MTUS1: variants seen among roughly 807,000 people sequenced by gnomAD.
The protein encoded by MTUS1 is microtubule-associated tumor suppressor 1.
In MTUS1, 109 loss-of-function variants were observed where a neutral mutation model predicts 120.8. The observed-to-expected ratio is 0.90, with a 90% CI of 0.77 to 1.06. The LOEUF is 1.06. MTUS1 is among the 50% of genes least tolerant of loss of function. The probability of loss-of-function intolerance (pLI) is 0.00; values close to 1 mark genes in which losing one functional copy is unlikely to be tolerated. For missense variants in MTUS1, 2,210 were observed against 1,486.3 expected (o/e 1.49, Z -8.01); for synonymous variants, 737 against 550.5 (o/e 1.34, Z -4.74).
intron 1 of MTUS1, among the ~76,000 whole-genome samples, chr8:17,798,767 G>GT (rs139241684): frequency 0.039 from 6,000 of 152,240 alleles, 401 homozygotes; most frequent in African/African-American, 0.14. Flanking sequence ...CAAAACTACT[G>GT]TAAATATATA....
intron 3 of MTUS1, among the ~76,000 whole-genome samples, chr8:17,730,723 C>A (rs903369474): frequency 2.0e-5 from 3 of 152,168 alleles, no homozygotes; most frequent in East Asian, 3.9e-4. Context: ...GTGAAATAAG[C>A]CAGTTATAAA....
At position 17,643,844 on chromosome 8, in the gene MTUS1, C is replaced by CT. The variant is rs1296905465; in HGVS notation, c.*2081dup. 2.0e-5 allele frequency: 3 copies of CT among 152,182 alleles called. No homozygotes were observed. The highest frequency in any genetic ancestry group is 4.4e-5 in the Non-Finnish European group (3 of 68,040). The allele number at this position is 152,182 out of a possible 1,614,324, so 9.4% of individuals were successfully genotyped here. ...ATTTATTTGATCAGAGTAAAATACA[C>CT]TTCCCATCACTACAAACTGAGCACA... On this transcript the variant is annotated 3_prime_UTR_variant, in exon 15 of 15. Transcript: ENST00000693296.
At chr8:17,704,592 T>C (rs1031122774) in intron 6 of MTUS1, among the ~76,000 whole-genome samples, 4 of 152,194 alleles carry the variant, frequency 2.6e-5, no homozygotes, top group African/African-American at 9.6e-5. Flanking sequence ...TATGCACGGA[T>C]TTATTTCTAG....
intron 1 of MTUS1, among the ~76,000 whole-genome samples, chr8:17,794,585 A>T (rs190500139): frequency 6.6e-6 from 1 of 152,042 alleles, no homozygotes; most frequent in African/African-American, 2.4e-5. Flanking sequence ...CCCTATCCTG[A>T]CCCACCAGCA....
Position 17,799,929 on chromosome 8 carries a change from T to C in MTUS1, c.-155+1132A>G, listed in dbSNP as rs182568616. On this transcript the variant is annotated intron_variant, in intron 1 of 14. Transcript: ENST00000693296. ...TTTGTATAGCTTTCCTAATGGAATA[T>C]ATTGCCTATGAAAAAAAAAAAATCT... 9.9e-5 allele frequency among the ~76,000 whole-genome samples: 15 copies of C among 151,422 alleles called. No individual in the cohort carries two copies. The East Asian group carries it at 2.9e-3, about 29-fold the overall frequency.
In MTUS1 at chr8:17,753,861, T is replaced by A. The variant is rs1294803780; in HGVS notation, c.1947A>T (p.Glu649Asp). 2 of 1,614,198 alleles carry A rather than the reference T, an allele frequency of 1.2e-6. No individual in the cohort carries two copies. The highest frequency in any genetic ancestry group is 3.3e-5 in the Admixed American group (2 of 60,024). ...TGGGAACATAGGTCATTTCCAAACA[T>A]TCTGCACTTTCCATTTTAACAGGGA... is the stretch of plus-strand genomic sequence containing the variant. ...GILPVKMESA[E>D]CLEMTYVPNI... Residue 649 changes from glutamate (E) to aspartate (D), a missense_variant, in exon 2 of 15, where the codon GAA (glutamate) becomes GAT (aspartate). Glu to Asp is a conservative substitution (Grantham distance 45). Coordinates refer to ENST00000693296, the MANE Select transcript of MTUS1 (RefSeq NM_001363059.2).
At position 17,713,246 on chromosome 8, in the gene MTUS1, G is replaced by A. The variant is rs1208205218; in HGVS notation, c.2591C>T (p.Ser864Leu). The change falls in exon 6 of 15, where the codon TCG (serine) becomes TTG (leucine). Residue 864 changes from serine (S) to leucine (L), a missense_variant. By Grantham distance (145) the Ser-to-Leu change is moderately radical. Coordinates refer to ENST00000693296, the MANE Select transcript of MTUS1 (RefSeq NM_001363059.2). ...HLMKTPPKGPSRKNLFTALNA... is the reference protein window; with the variant it reads ...HLMKTPPKGPLRKNLFTALNA... ...AAGAGCTGTAAATAAATTTTTTCTC[G>A]AAGGACCTAAGATATAAAAGAAACA... 11 of 1,573,534 alleles carry A rather than the reference G, an allele frequency of 7.0e-6. No individual in the cohort carries two copies. Among genetic ancestry groups the A allele is most frequent in the African/African-American group, 5.4e-5 (4 of 73,864 alleles).
At chr8:17,676,441 G>A (rs899698292) in intron 7 of MTUS1, 6 of 660,612 alleles carry the variant, frequency 9.1e-6, no homozygotes, top group African/African-American at 9.0e-5. Flanking sequence ...CTAGCAGGAG[G>A]CGCGCCATTG....
intron 1 of MTUS1, among the ~76,000 whole-genome samples, chr8:17,784,277 G>C (rs957348985): frequency 6.8e-6 from 1 of 148,092 alleles, no homozygotes; most frequent in African/African-American, 2.5e-5. Context: ...TCTAAACCCT[G>C]CTAATTTTCT....
At chr8:17,728,273 G>A (rs921204800) in intron 3 of MTUS1, among the ~76,000 whole-genome samples, 8 of 152,060 alleles carry the variant, frequency 5.3e-5, no homozygotes, top group Non-Finnish European at 1.0e-4. Context: ...CACCACACCC[G>A]GCTAATTTTT....
intron 8 of MTUS1, among the ~76,000 whole-genome samples, chr8:17,669,646 G>C (rs1287252273): frequency 6.6e-6 from 1 of 152,058 alleles, no homozygotes; most frequent in African/African-American, 2.4e-5. Context: ...AGGAGTTCGA[G>C]ACCAGCCTGG....
intron 6 of MTUS1, among the ~76,000 whole-genome samples, chr8:17,711,310 AG>A (rs1326404140): frequency 6.6e-6 from 1 of 152,184 alleles, no homozygotes; most frequent in Non-Finnish European, 1.5e-5. Flanking sequence ...TGTTTTGTGT[AG>A]CCACCTTTAT....
rs535904467 is a variant in MTUS1, at chr8:17,658,660, T to C, written c.2906-2595A>G. On this transcript the variant is annotated intron_variant, in intron 8 of 14. Coordinates refer to ENST00000693296, the MANE Select transcript of MTUS1 (RefSeq NM_001363059.2). ...TACCTCTCTTTGGAAAGGAATAACA[T>C]ATCAGGAGTTGAAGGAAGAAGATTA... Among the ~76,000 whole-genome samples the C allele has an allele frequency of 2.6e-5, 4 of 152,252 alleles. No homozygotes were observed. In the South Asian group the frequency reaches 8.3e-4, roughly 32 times the overall value.
intron 3 of MTUS1, among the ~76,000 whole-genome samples, chr8:17,742,156 T>C (rs1276585827): frequency 6.6e-6 from 1 of 152,036 alleles, no homozygotes; most frequent in Admixed American, 6.5e-5. Flanking sequence ...AGTGGCATGA[T>C]CATAGCTCAC....
Position 17,645,737 on chromosome 8 carries a change from C to T in MTUS1, c.*189G>A, listed in dbSNP as rs757653009. 23 of 644,254 alleles carry T rather than the reference C, an allele frequency of 3.6e-5. No individual in the cohort carries two copies. The highest frequency in any genetic ancestry group is 1.1e-4 in the African/African-American group (6 of 53,502). The allele number at this position is 644,254 out of a possible 1,614,324, so 39.9% of individuals were successfully genotyped here. On this transcript the variant is annotated 3_prime_UTR_variant, in exon 15 of 15. Coordinates refer to ENST00000693296, the MANE Select transcript of MTUS1 (RefSeq NM_001363059.2). The stretch of plus-strand genomic sequence containing the variant: ...TCTTTTTTTGGAGGAATCTTTTGGA[C>T]GGAGGCAAAAGTCTTCCTCCAGAGT...
chr8:17,680,068 C>T (rs570248511), intron 7 of MTUS1, among the ~76,000 whole-genome samples: 5 of 152,112 alleles, frequency 3.3e-5, no homozygotes, highest in African/African-American at 7.2e-5. Flanking sequence ...AGCATTAAAC[C>T]GGTATCTCTA....
intron 2 of MTUS1, among the ~76,000 whole-genome samples, chr8:17,750,173 T>A (rs952973337): frequency 6.6e-6 from 1 of 152,192 alleles, no homozygotes; most frequent in Non-Finnish European, 1.5e-5. Context: ...ATTCATACAT[T>A]AGGTGAATTC....
chr8:17,689,396 AGAGAATAGAAAGCATATTC>A (rs1211442538), intron 6 of MTUS1, among the ~76,000 whole-genome samples: 15 of 152,360 alleles, frequency 9.8e-5, no homozygotes, highest in Non-Finnish European at 1.3e-4. Context: ...AAAGCAGATT[AGAGAATAGAAAGCATATTC>A]GAGAATAGAA....
intron 12 of MTUS1, among the ~76,000 whole-genome samples, chr8:17,650,266 G>C (rs904342522): frequency 6.6e-6 from 1 of 152,166 alleles, no homozygotes; most frequent in African/African-American, 2.4e-5. Context: ...ATCTTGGCTG[G>C]AGATGAGGCA....
Sources: allele counts gnomAD v4.1 joint callset (sites outside exome capture counted in the v4.1 genomes callset), GRCh38; gene constraint gnomAD v4.1.1; transcripts MANE v1.5; gene names NCBI Gene and HGNC (gene_info 2026-07-23, HGNC 2026-07-21).